The following COL23A1 variants were observed in gnomAD, a reference collection of about 807,000 sequenced individuals.
COL23A1 encodes the protein collagen type XXIII alpha 1 chain, also known as collagen alpha-1(XXIII) chain.
Under a neutral mutation model 99.3 loss-of-function variants are expected in COL23A1, and 97 were observed. That is an observed-to-expected ratio of 0.98 (90% CI 0.83 to 1.16). The LOEUF (loss-of-function observed/expected upper bound fraction) is 1.16. Ranked by LOEUF, COL23A1 falls within the 50% of genes most tolerant of loss-of-function variation. The pLI is 0.00. For missense variants in COL23A1, 762 were observed against 757.4 expected (o/e 1.01, Z -0.07); for synonymous variants, 320 against 308.2 (o/e 1.04, Z -0.40).
chr5:178,571,521 A>G (rs968279998), intron 1 of COL23A1, among the ~76,000 whole-genome samples: 1 of 152,168 alleles, frequency 6.6e-6, no homozygotes, highest in Non-Finnish European at 1.5e-5. Context: ...GGACCAAACT[A>G]TTTCCAGCCC....
chr5:178,246,695 C>T (rs1764715181), intron 22 of COL23A1, among the ~76,000 whole-genome samples: 2 of 144,190 alleles, frequency 1.4e-5, no homozygotes, highest in African/African-American at 5.4e-5. Flanking sequence ...CACACCCATT[C>T]CAAAGATGAG....
intron 2 of COL23A1, among the ~76,000 whole-genome samples, chr5:178,377,409 C>G (rs34142157): frequency 0.1 from 15,828 of 152,288 alleles, 1,669 homozygotes; most frequent in African/African-American, 0.27. Context: ...CGGGGCCACC[C>G]CACTGCTTCT....
intron 2 of COL23A1, among the ~76,000 whole-genome samples, chr5:178,521,145 C>T (rs1275324081): frequency 6.6e-6 from 1 of 152,162 alleles, no homozygotes; most frequent in Non-Finnish European, 1.5e-5. Context: ...CTAAACATAC[C>T]TAAACATATA....
intron 2 of COL23A1, among the ~76,000 whole-genome samples, chr5:178,446,219 C>A (rs986077554): frequency 6.6e-6 from 1 of 151,748 alleles, no homozygotes; most frequent in Non-Finnish European, 1.5e-5. Flanking sequence ...ATAGCAAAAA[C>A]TGAAAATAAT....
At chr5:178,392,572 T>C (rs1764024324) in intron 2 of COL23A1, among the ~76,000 whole-genome samples, 1 of 152,190 alleles carries the variant, frequency 6.6e-6, no homozygotes. Context: ...AACTGTGTTC[T>C]CTGCCTTCTT....
At chr5:178,555,606 G>T (rs992716984) in intron 2 of COL23A1, among the ~76,000 whole-genome samples, 2 of 152,152 alleles carry the variant, frequency 1.3e-5, no homozygotes, top group Non-Finnish European at 2.9e-5. Context: ...TTAGTGCAGG[G>T]TGATCAGAAC....
chr5:178,580,775 T>C (rs1299683403), intron 1 of COL23A1, among the ~76,000 whole-genome samples: 1 of 152,180 alleles, frequency 6.6e-6, no homozygotes, highest in Non-Finnish European at 1.5e-5. Flanking sequence ...ATCTCAACAC[T>C]TTGGAAGGCC....
At chr5:178,527,501 T>G (rs905493316) in intron 2 of COL23A1, among the ~76,000 whole-genome samples, 1 of 152,194 alleles carries the variant, frequency 6.6e-6, no homozygotes, top group Non-Finnish European at 1.5e-5. Flanking sequence ...CCTGCTCAGG[T>G]TCTATTTCCA....
chr5:178,567,093 T>A (rs746539171), intron 1 of COL23A1, among the ~76,000 whole-genome samples: 14 of 152,186 alleles, frequency 9.2e-5, no homozygotes, highest in Non-Finnish European at 1.8e-4. Context: ...ATCGAAGACA[T>A]AACCATGAGG....
chr5:178,307,396 G>A lies in COL23A1; in HGVS notation c.362-477C>T, dbSNP rs184158975. On this transcript the variant is annotated intron_variant, in intron 2 of 28. Coordinates refer to ENST00000390654, the MANE Select transcript of COL23A1 (RefSeq NM_173465.4). The surrounding 1 kb of genome is among the most constrained non-coding windows in gnomAD (Gnocchi z 4.2). ...GAGGCCATCACGGCCGCGCAGCGCC[G>A]AAATCCACTCATGACAGGCACTACA... 8.5e-5 allele frequency among the ~76,000 whole-genome samples: 13 copies of A among 152,350 alleles called. No individual in the cohort carries two copies. The highest frequency in any genetic ancestry group is 7.2e-4 in the Admixed American group (11 of 15,294).
At position 178,589,172 on chromosome 5, in the gene COL23A1, C is replaced by T. The variant is rs1764141869; in HGVS notation, c.294+732G>A. Among the ~76,000 whole-genome samples, 1 of 152,186 alleles carries T rather than the reference C, an allele frequency of 6.6e-6. No homozygotes were observed. The highest frequency in any genetic ancestry group is 1.5e-5 in the Non-Finnish European group (1 of 68,036). On this transcript the variant is annotated intron_variant, in intron 1 of 28. Coordinates refer to ENST00000390654, the MANE Select transcript of COL23A1 (RefSeq NM_173465.4). The surrounding 1 kb of genome is among the most constrained non-coding windows in gnomAD (Gnocchi z 5.4). Reference sequence around the variant, plus strand: ...GAAGTGTCACAGAGCCTCATATGAGCTTTCAAGTAAGCTGTGGAAGTCGCG... The same window carrying T: ...GAAGTGTCACAGAGCCTCATATGAGTTTTCAAGTAAGCTGTGGAAGTCGCG...
intron 2 of COL23A1, among the ~76,000 whole-genome samples, chr5:178,403,789 A>G (rs540072352): frequency 6.6e-6 from 1 of 152,254 alleles, no homozygotes; most frequent in Non-Finnish European, 1.5e-5. Flanking sequence ...AGGCCAAAGG[A>G]AAGAAAAGAA....
At position 178,529,079 on chromosome 5, in the gene COL23A1, C is replaced by T. The variant is rs183295570; in HGVS notation, c.361+31603G>A. Among the ~76,000 whole-genome samples, 639 of 152,330 alleles carry T rather than the reference C, an allele frequency of 4.2e-3. 5 individuals carry two copies. Among genetic ancestry groups the T allele is most frequent in the African/African-American group, 0.015 (614 of 41,566 alleles). Reference sequence around the variant, plus strand: ...GCAGAGCTACGGCTGAGGTCCCTCGCGGCTGTTCTCCTTAGGGAGTTATCT... The same window carrying T: ...GCAGAGCTACGGCTGAGGTCCCTCGTGGCTGTTCTCCTTAGGGAGTTATCT... On this transcript the variant is annotated intron_variant, in intron 2 of 28. Coordinates refer to ENST00000390654, the MANE Select transcript of COL23A1 (RefSeq NM_173465.4).
intron 2 of COL23A1, among the ~76,000 whole-genome samples, chr5:178,537,842 T>C (rs75944482): frequency 0.037 from 5,574 of 152,244 alleles, 154 homozygotes; most frequent in Middle Eastern, 0.085. Context: ...TGGCGGTAAG[T>C]ACATTCACAC....
intron 2 of COL23A1, among the ~76,000 whole-genome samples, chr5:178,405,449 T>TA (rs1356501907): frequency 6.6e-6 from 1 of 152,240 alleles, no homozygotes; most frequent in Non-Finnish European, 1.5e-5. Flanking sequence ...TTTGTATGCT[T>TA]AAACACTTTC....
intron 2 of COL23A1, among the ~76,000 whole-genome samples, chr5:178,346,234 GTTGT>G (rs778289247): frequency 9.2e-5 from 14 of 151,872 alleles, no homozygotes; most frequent in East Asian, 1.9e-4. Flanking sequence ...TATTTTTGTT[GTTGT>G]TTGTTTGTTT....
At chr5:178,272,465 G>A (rs927593906) in intron 5 of COL23A1, among the ~76,000 whole-genome samples, 21 of 152,356 alleles carry the variant, frequency 1.4e-4, no homozygotes, top group Middle Eastern at 6.8e-3. Context: ...CATGGTCGCT[G>A]AGGGTTTGGC....
chr5:178,519,821 GGACA>G (rs1235401577), intron 2 of COL23A1, among the ~76,000 whole-genome samples: 2 of 152,206 alleles, frequency 1.3e-5, no homozygotes, highest in Non-Finnish European at 2.9e-5. Context: ...GAGGATAGAT[GGACA>G]GATAGATGGA....
chr5:178,588,834 T>C (rs262028), intron 1 of COL23A1, among the ~76,000 whole-genome samples: 41,936 of 152,090 alleles, frequency 0.28, 10,115 homozygotes, highest in African/African-American at 0.64. Context: ...GTCTAGGGAA[T>C]TGGGGGTGTA....
Sources: allele counts gnomAD v4.1 joint callset (sites outside exome capture counted in the v4.1 genomes callset), GRCh38; gene constraint gnomAD v4.1.1; non-coding constraint Gnocchi (gnomAD v3.1); transcripts MANE v1.5; gene names NCBI Gene and HGNC (gene_info 2026-07-23, HGNC 2026-07-21).